WDR64: variants seen among roughly 807,000 people sequenced by gnomAD.
The protein encoded by WDR64 is WD repeat domain 64.
WDR64 carries 112 observed loss-of-function variants against 139.3 expected under a neutral mutation model. The observed-to-expected ratio is 0.80, with a 90% CI of 0.69 to 0.94. WDR64 has a LOEUF of 0.94. Ranked by LOEUF, WDR64 falls within the 40% of genes least tolerant of loss-of-function variation. WDR64 has a pLI of 0.00. For missense variants in WDR64, 1,206 were observed against 1,293.1 expected (o/e 0.93, Z 1.03); for synonymous variants, 444 against 437.7 (o/e 1.01, Z -0.18).
chr1:241,729,829 A>G (rs77057066), intron 10 of WDR64, among the ~76,000 whole-genome samples: 23,794 of 152,114 alleles, frequency 0.16, 2,138 homozygotes, highest in East Asian at 0.28. Context: ...TGGGATTATC[A>G]TAAATGATGC....
At chr1:241,705,415 G>A (rs969864024) in intron 8 of WDR64, among the ~76,000 whole-genome samples, 146 of 151,558 alleles carry the variant, frequency 9.6e-4, no homozygotes, top group African/African-American at 3.2e-3. Flanking sequence ...GGTGGCGGGC[G>A]CCTGTAGTCC....
chr1:241,739,851 G>A (rs1483375592), intron 11 of WDR64, among the ~76,000 whole-genome samples: 1 of 152,144 alleles, frequency 6.6e-6, no homozygotes, highest in African/African-American at 2.4e-5. Context: ...ATTACATGAA[G>A]CTTATGTCTA....
At chr1:241,747,944 G>A (rs533759964) in intron 13 of WDR64, among the ~76,000 whole-genome samples, 78 of 152,278 alleles carry the variant, frequency 5.1e-4, no homozygotes, top group African/African-American at 1.9e-3. Context: ...TAGCATGAGA[G>A]TACAGCGCTT....
chr1:241,685,506 T>C (rs1210897153), intron 7 of WDR64, among the ~76,000 whole-genome samples: 1 of 152,180 alleles, frequency 6.6e-6, no homozygotes, highest in Non-Finnish European at 1.5e-5. Context: ...AAATAATTTC[T>C]ATAGGACTTC....
intron 3 of WDR64, among the ~76,000 whole-genome samples, chr1:241,674,244 ATCTTTTTTTTTCTTT>A (rs1418619874): frequency 4.7e-5 from 6 of 127,578 alleles, no homozygotes. Flanking sequence ...CTGGCTGTTT[ATCTTTTTTTTTCTTT>A]TCTTTTTTTT....
At chr1:241,710,161 C>T (rs1668103771) in intron 8 of WDR64, among the ~76,000 whole-genome samples, 1 of 152,166 alleles carries the variant, frequency 6.6e-6, no homozygotes, top group South Asian at 2.1e-4. Context: ...TCTGCAAGTG[C>T]CTCCTCCCAG....
At chr1:241,722,771 A>G (rs960470358) in intron 9 of WDR64, among the ~76,000 whole-genome samples, 2 of 152,224 alleles carry the variant, frequency 1.3e-5, no homozygotes, top group African/African-American at 4.8e-5. Context: ...TTAAAAAACC[A>G]TATTTATTCT....
intron 9 of WDR64, among the ~76,000 whole-genome samples, chr1:241,712,165 T>TAA (rs1483038300): frequency 6.6e-6 from 1 of 152,196 alleles, no homozygotes; most frequent in South Asian, 2.1e-4. Flanking sequence ...GAGCTTATTT[T>TAA]ATGTGTGAGA....
chr1:241,663,892 A>G (rs1665927803), intron 2 of WDR64, among the ~76,000 whole-genome samples: 1 of 152,250 alleles, frequency 6.6e-6, no homozygotes, highest in African/African-American at 2.4e-5. Flanking sequence ...CCTAAAAGCA[A>G]CACTGCAGAT....
intron 23 of WDR64, among the ~76,000 whole-genome samples, chr1:241,784,953 G>GGATAAAAAAAAAA (rs766802128): frequency 1.6e-5 from 1 of 62,250 alleles, no homozygotes; most frequent in Non-Finnish European, 3.1e-5. Flanking sequence ...GACTCTGTCT[G>GGATAAAAAAAAAA]AAAAAAAAAA....
intron 8 of WDR64, among the ~76,000 whole-genome samples, chr1:241,706,150 C>T (rs562724007): frequency 2.0e-5 from 3 of 152,286 alleles, no homozygotes; most frequent in South Asian, 4.1e-4. Context: ...AATATTTCCA[C>T]GGGCCCCTAA....
At chr1:241,660,852 C>T (rs1342506653) in intron 2 of WDR64, among the ~76,000 whole-genome samples, 192 bp downstream of exon 2, 1 of 152,200 alleles carries the variant, frequency 6.6e-6, no homozygotes, top group Non-Finnish European at 1.5e-5. Context: ...AACTATTTAG[C>T]TGTATTATTA....
chr1:241,798,071 A>G (rs1475344089), intron 27 of WDR64, among the ~76,000 whole-genome samples: 11 of 152,170 alleles, frequency 7.2e-5, no homozygotes, highest in Non-Finnish European at 2.9e-5. Flanking sequence ...CACTCCAATA[A>G]CCAGAATTTG....
At chr1:241,740,885 A>T (rs1198358827) in intron 11 of WDR64, among the ~76,000 whole-genome samples, 5 of 152,286 alleles carry the variant, frequency 3.3e-5, no homozygotes, top group Admixed American at 1.3e-4. Flanking sequence ...AGCTGCAGTT[A>T]ATTTTGATAC....
chr1:241,699,460 C>T (rs1667621034), intron 8 of WDR64, among the ~76,000 whole-genome samples: 1 of 152,072 alleles, frequency 6.6e-6, no homozygotes, highest in Admixed American at 6.6e-5. Context: ...TTGTCGACCT[C>T]ATATGTAATG....
chr1:241,692,461 A>G (rs1667337628), intron 8 of WDR64, among the ~76,000 whole-genome samples: 1 of 152,244 alleles, frequency 6.6e-6, no homozygotes, highest in African/African-American at 2.4e-5. Context: ...CAAAGCAGAA[A>G]TAGACCCACA....
chr1:241,757,584 T>C lies in WDR64; in HGVS notation c.1947+125T>C. The C allele has an allele frequency of 3.6e-6, 3 of 832,078 alleles. No homozygotes were observed. In the East Asian group the frequency reaches 8.7e-5, roughly 24 times the overall value. 51.5% of individuals were successfully genotyped at this position (832,078 alleles called of 1,614,324 possible). A position where few individuals can be genotyped will look rare whatever the true frequency, so the allele number is the denominator to read the frequency against. On this transcript the variant is annotated intron_variant, in intron 15 of 27. Transcript: ENST00000437684. ...GTGTTATCACTCAGCTTCGAGAACTTTCTGTATATGACCAAACTTACTCCT... is the reference window on the plus strand; with the variant it reads ...GTGTTATCACTCAGCTTCGAGAACTCTCTGTATATGACCAAACTTACTCCT...
chr1:241,679,670 T>C, intron 6 of WDR64, 75 bp downstream of exon 6: 1 of 1,230,424 alleles, frequency 8.1e-7, no homozygotes, highest in Non-Finnish European at 1.2e-6. Context: ...CAATCCACTT[T>C]CTCTATTGAA....
At chr1:241,710,445 C>A (rs567745540) in intron 8 of WDR64, among the ~76,000 whole-genome samples, 13 of 134,410 alleles carry the variant, frequency 9.7e-5, no homozygotes, top group African/African-American at 3.6e-4. Context: ...TACTAACACC[C>A]GAAACATACA....
Sources: gnomAD v4.1 joint callset for allele counts (sites outside exome capture counted in the v4.1 genomes callset) on GRCh38, gnomAD v4.1.1 for gene constraint, MANE v1.5 for transcripts, NCBI Gene and HGNC (gene_info 2026-07-23, HGNC 2026-07-21) for gene names.